The following RGS17 variants were observed in gnomAD, a reference collection of about 807,000 sequenced individuals.
RGS17 encodes regulator of G-protein signaling 17.
Under a neutral mutation model 25.5 loss-of-function variants are expected in RGS17, and 12 were observed. The observed-to-expected ratio is 0.47, with a 90% CI of 0.30 to 0.76. RGS17 has a LOEUF of 0.76. Among genes scored for constraint, RGS17 ranks in the 30% least tolerant of loss-of-function variants. The probability of loss-of-function intolerance (pLI) is 0.07; values close to 1 mark genes in which losing one functional copy is unlikely to be tolerated. For synonymous variants in RGS17, 71 were observed against 76.9 expected (o/e 0.92, Z 0.40); for missense variants, 196 against 242.2 (o/e 0.81, Z 1.27).
intron 3 of RGS17, among the ~76,000 whole-genome samples, chr6:153,025,214 G>A (rs1327064244): frequency 6.6e-6 from 1 of 151,830 alleles, no homozygotes; most frequent in Non-Finnish European, 1.5e-5. Flanking sequence ...TTTGGGAGTT[G>A]AGGCAGGAGA....
intron 1 of RGS17, among the ~76,000 whole-genome samples, chr6:153,122,830 C>A (rs562551601): frequency 6.6e-6 from 1 of 151,778 alleles, no homozygotes; most frequent in East Asian, 1.9e-4. Flanking sequence ...ATACTAATAA[C>A]AATAATAATC....
chr6:153,019,296 C>T (rs536536957), intron 4 of RGS17, among the ~76,000 whole-genome samples: 1 of 152,262 alleles, frequency 6.6e-6, no homozygotes, highest in African/African-American at 2.4e-5. Flanking sequence ...CCATGGTTTT[C>T]TTCAATTCAG....
intron 2 of RGS17, among the ~76,000 whole-genome samples, chr6:153,030,216 G>A (rs557020868): frequency 2.0e-5 from 3 of 152,282 alleles, no homozygotes; most frequent in South Asian, 2.1e-4. Flanking sequence ...GTTTACAGGG[G>A]AGTGTGGACA....
At chr6:153,037,215 C>CAG (rs1776259814) in intron 2 of RGS17, among the ~76,000 whole-genome samples, 2 of 151,310 alleles carry the variant, frequency 1.3e-5, no homozygotes, top group South Asian at 2.1e-4. Context: ...CACACACACA[C>CAG]ACACACAGGA....
intron 1 of RGS17, among the ~76,000 whole-genome samples, chr6:153,070,046 T>C (rs1459556197): frequency 2.0e-5 from 3 of 152,058 alleles, no homozygotes; most frequent in Non-Finnish European, 4.4e-5. Flanking sequence ...ACTCCTCACA[T>C]AGCAAAACAT....
chr6:153,023,449 G>T, intron 4 of RGS17: 1 of 432,234 alleles, frequency 2.3e-6, no homozygotes, highest in Non-Finnish European at 4.7e-6. Flanking sequence ...GGGCTCCAAG[G>T]GCCTGGCCAC....
At chr6:153,076,389 T>A (rs1441488544) in intron 1 of RGS17, among the ~76,000 whole-genome samples, 3 of 152,096 alleles carry the variant, frequency 2.0e-5, no homozygotes, top group African/African-American at 7.2e-5. Flanking sequence ...GCAACTGAAT[T>A]AGAATTATTC....
chr6:153,040,245 C>G (rs564001110), intron 2 of RGS17, among the ~76,000 whole-genome samples: 39 of 152,152 alleles, frequency 2.6e-4, no homozygotes, highest in Middle Eastern at 6.8e-3. Flanking sequence ...CACTATGAAG[C>G]CTGTCTAAAC....
In RGS17 at chr6:153,130,610, G is replaced by A. The variant is rs1299428136; in HGVS notation, c.-26+514C>T. Reference sequence around the variant, plus strand: ...GTGCATTTTCCCAAAGGTAAAGAGAGATAAGGGAGGAAACACAGCACCCAA... The same window carrying A: ...GTGCATTTTCCCAAAGGTAAAGAGAAATAAGGGAGGAAACACAGCACCCAA... On this transcript the variant is annotated intron_variant, in intron 1 of 4. Coordinates refer to ENST00000206262, the MANE Select transcript of RGS17 (RefSeq NM_012419.5). This position sits in a 1 kb window ranked among gnomAD's most constrained non-coding sequence, Gnocchi z 6.4. 6.6e-6 allele frequency among the ~76,000 whole-genome samples: 1 copy of A among 152,174 alleles called. No individual in the cohort carries two copies. Among genetic ancestry groups the A allele is most frequent in the Admixed American group, 6.5e-5 (1 of 15,280 alleles).
At chr6:153,037,694 G>A (rs890037289) in intron 2 of RGS17, among the ~76,000 whole-genome samples, 2 of 152,054 alleles carry the variant, frequency 1.3e-5, no homozygotes, top group African/African-American at 4.8e-5. Flanking sequence ...AAAGGGCTGG[G>A]ATTACAGGCA....
intron 1 of RGS17, among the ~76,000 whole-genome samples, chr6:153,120,067 T>C (rs1777603977): frequency 6.6e-6 from 1 of 152,200 alleles, no homozygotes; most frequent in Non-Finnish European, 1.5e-5. Flanking sequence ...CCTCTAACCA[T>C]GGTGTCAAAA....
intron 1 of RGS17, among the ~76,000 whole-genome samples, chr6:153,063,178 T>C (rs1776662293): frequency 6.6e-6 from 1 of 152,034 alleles, no homozygotes; most frequent in African/African-American, 2.4e-5. Flanking sequence ...CATCTACAAC[T>C]ATCAAGACAC....
chr6:153,114,208 G>A (rs916196790), intron 1 of RGS17, among the ~76,000 whole-genome samples: 2 of 151,764 alleles, frequency 1.3e-5, no homozygotes, highest in African/African-American at 2.4e-5. Flanking sequence ...GAAGAAGAGA[G>A]GGAAGAATCA....
chr6:153,066,268 G>A (rs1338307019), intron 1 of RGS17, among the ~76,000 whole-genome samples: 1 of 152,030 alleles, frequency 6.6e-6, no homozygotes, highest in Non-Finnish European at 1.5e-5. Flanking sequence ...AGAAAAGGGG[G>A]AACCATTGTA....
chr6:153,123,900 C>A (rs1045887308), intron 1 of RGS17, among the ~76,000 whole-genome samples: 1 of 152,134 alleles, frequency 6.6e-6, no homozygotes, highest in African/African-American at 2.4e-5. Flanking sequence ...TACACATTTT[C>A]TTTATTTCAA....
At chr6:153,044,178 C>T in intron 1 of RGS17, 135 bp from the exon 2 acceptor site, 1 of 593,574 alleles carries the variant, frequency 1.7e-6, no homozygotes, top group South Asian at 1.9e-5. Flanking sequence ...ACTTGAGAGG[C>T]CAAACTAAAA....
intron 1 of RGS17, among the ~76,000 whole-genome samples, chr6:153,083,115 A>G (rs11155894): frequency 0.52 from 79,075 of 151,696 alleles, 21,021 homozygotes; most frequent in Non-Finnish European, 0.57. Context: ...AAAGACTCAA[A>G]AAGACCGTAG....
chr6:153,081,780 GA>G (rs1181758477), intron 1 of RGS17, among the ~76,000 whole-genome samples: 3 of 151,758 alleles, frequency 2.0e-5, no homozygotes, highest in Non-Finnish European at 2.9e-5. Context: ...AATATTTAAG[GA>G]AAAAAAGAAA....
chr6:153,093,704 A>G (rs906114919), intron 1 of RGS17, among the ~76,000 whole-genome samples: 2 of 152,166 alleles, frequency 1.3e-5, no homozygotes, highest in African/African-American at 4.8e-5. Flanking sequence ...AATGGCACCT[A>G]CTCAACACAA....
Sources: gnomAD v4.1 joint callset for allele counts (sites outside exome capture counted in the v4.1 genomes callset) on GRCh38, gnomAD v4.1.1 for gene constraint, Gnocchi (gnomAD v3.1) non-coding constraint, MANE v1.5 for transcripts, NCBI Gene and HGNC (gene_info 2026-07-23, HGNC 2026-07-21) for gene names.